OR2L13: variants seen among roughly 807,000 people sequenced by gnomAD.
The protein encoded by OR2L13 is olfactory receptor 2L13.
Under a neutral mutation model 15.3 loss-of-function variants are expected in OR2L13, and 14 were observed. The observed-to-expected ratio is 0.91, with a 90% CI of 0.60 to 1.43. The LOEUF (loss-of-function observed/expected upper bound fraction) is 1.43. OR2L13 is among the 40% of genes most tolerant of loss of function. The pLI, the probability that OR2L13 is intolerant of heterozygous loss-of-function variation, is 0.00. For missense variants in OR2L13, 367 were observed against 387.9 expected, an observed-to-expected ratio of 0.95 and a Z score of 0.45; for synonymous variants, 152 against 142.9, an observed-to-expected ratio of 1.06 and a Z score of -0.45.
chr1:248,002,815 A>ATG, the OR2L13 span, among the ~76,000 whole-genome samples: 4 of 150,774 alleles, frequency 2.7e-5, no homozygotes, highest in Non-Finnish European at 5.9e-5. Context: ...CCGAGATCGC[A>ATG]CCACTGCACT....
At chr1:248,067,952 C>T in the OR2L13 span, among the ~76,000 whole-genome samples, 1 of 152,170 alleles carries the variant, frequency 6.6e-6, no homozygotes, top group Admixed American at 6.5e-5. Context: ...GAGGGGCGCC[C>T]GCCATTGCCC....
the OR2L13 span, among the ~76,000 whole-genome samples, chr1:248,002,971 C>A: frequency 6.6e-6 from 1 of 152,098 alleles, no homozygotes; most frequent in Non-Finnish European, 1.5e-5. Flanking sequence ...TATAATCCAT[C>A]TGGACCTGGG....
the OR2L13 span, among the ~76,000 whole-genome samples, chr1:248,026,947 A>G: frequency 6.6e-6 from 1 of 152,220 alleles, no homozygotes; most frequent in Non-Finnish European, 1.5e-5. Context: ...GGGCACCTTG[A>G]AAAAAGAACA....
At chr1:247,968,615 A>G in the OR2L13 span, among the ~76,000 whole-genome samples, 1 of 149,590 alleles carries the variant, frequency 6.7e-6, no homozygotes, top group Non-Finnish European at 1.5e-5. Context: ...TGTCCTTGTG[A>G]TAGTTTGCTG....
the OR2L13 span, among the ~76,000 whole-genome samples, chr1:247,964,256 T>C: frequency 2.0e-5 from 3 of 152,196 alleles, no homozygotes; most frequent in African/African-American, 7.2e-5. Context: ...CTGCAGTGTG[T>C]TTAGCCATAT....
chr1:248,089,071 A>G, the OR2L13 span, among the ~76,000 whole-genome samples: 1 of 152,110 alleles, frequency 6.6e-6, no homozygotes, highest in Non-Finnish European at 1.5e-5. Context: ...AGTCTCAAGT[A>G]GGGGATATCC....
At chr1:248,019,716 C>T in the OR2L13 span, among the ~76,000 whole-genome samples, 3 of 151,580 alleles carry the variant, frequency 2.0e-5, no homozygotes, top group African/African-American at 4.8e-5. Flanking sequence ...TTTTCCTCCT[C>T]GTCCTCCTCC....
the OR2L13 span, among the ~76,000 whole-genome samples, chr1:248,011,609 T>G: frequency 6.6e-6 from 1 of 152,190 alleles, no homozygotes; most frequent in Admixed American, 6.5e-5. Flanking sequence ...GTTTGGTCTT[T>G]TCTCATAGTC....
At chr1:248,096,523 T>C (rs1664745874), upstream of OR2L13, among the ~76,000 whole-genome samples, 1 of 152,196 alleles carries the variant, frequency 6.6e-6, no homozygotes, top group Non-Finnish European at 1.5e-5. Flanking sequence ...GGGCTCTCCA[T>C]GGTTAACACA....
chr1:248,003,038 G>A, the OR2L13 span: 1 of 715,022 alleles, frequency 1.4e-6, no homozygotes, highest in Non-Finnish European at 2.5e-6. Context: ...ACTTGTTATT[G>A]GTCTATTCAG....
At chr1:248,085,813 C>T in the OR2L13 span, among the ~76,000 whole-genome samples, 2 of 152,156 alleles carry the variant, frequency 1.3e-5, no homozygotes, top group East Asian at 3.9e-4. Context: ...CTTGGATCAT[C>T]AGGCATTAGA....
chr1:247,994,303 A>G, the OR2L13 span, among the ~76,000 whole-genome samples: 1 of 152,216 alleles, frequency 6.6e-6, no homozygotes, highest in Admixed American at 6.5e-5. Context: ...AGGCTGAGGC[A>G]GGAGAATGGC....
At chr1:248,076,411 C>T in the OR2L13 span, among the ~76,000 whole-genome samples, 3,666 of 152,184 alleles carry the variant, frequency 0.024, 139 homozygotes, top group African/African-American at 0.082. Flanking sequence ...ATGGGGATGG[C>T]ATTGAATGTA....
chr1:248,081,413 C>A, the OR2L13 span, among the ~76,000 whole-genome samples: 1 of 152,050 alleles, frequency 6.6e-6, no homozygotes, highest in African/African-American at 2.4e-5. Context: ...GTTGCTGTAG[C>A]TTTCGCCTGT....
At chr1:248,068,243 C>T in the OR2L13 span, among the ~76,000 whole-genome samples, 1 of 152,090 alleles carries the variant, frequency 6.6e-6, no homozygotes, top group Admixed American at 6.5e-5. Flanking sequence ...CTGGGAGGCA[C>T]CCCCCAGTAG....
At chr1:248,055,437 G>A in the OR2L13 span, among the ~76,000 whole-genome samples, 1 of 152,056 alleles carries the variant, frequency 6.6e-6, no homozygotes, top group South Asian at 2.1e-4. Context: ...GGTTTTGGAA[G>A]CAGGATGATG....
chr1:248,092,227 G>A (rs1664612621), upstream of OR2L13, among the ~76,000 whole-genome samples: 1 of 152,132 alleles, frequency 6.6e-6, no homozygotes, highest in Non-Finnish European at 1.5e-5. Context: ...TATAAAGAGA[G>A]ATATGTTGAC....
chr1:248,052,941 A>G, the OR2L13 span, among the ~76,000 whole-genome samples: 1 of 151,538 alleles, frequency 6.6e-6, no homozygotes, highest in Non-Finnish European at 1.5e-5. Flanking sequence ...TTTATTTTTA[A>G]TAATTATTTT....
At chr1:248,002,110 TC>T in the OR2L13 span, among the ~76,000 whole-genome samples, 2 of 152,210 alleles carry the variant, frequency 1.3e-5, no homozygotes, top group Admixed American at 1.3e-4. Context: ...AATTTTCTCT[TC>T]TAAATTTTTT....
Sources: allele counts gnomAD v4.1 joint callset (sites outside exome capture counted in the v4.1 genomes callset), GRCh38; gene constraint gnomAD v4.1.1; transcripts MANE v1.5; gene names NCBI Gene and HGNC (gene_info 2026-07-23, HGNC 2026-07-21).